The following AQP8 variants were observed in gnomAD, a reference collection of about 807,000 sequenced individuals.
The protein encoded by AQP8 is aquaporin-8.
In AQP8, 14 loss-of-function variants were observed where a neutral mutation model predicts 26.1. The ratio of observed to expected loss-of-function variants is 0.54; its 90% confidence interval spans 0.35 to 0.84. AQP8 has a LOEUF of 0.84. AQP8 is among the 40% of genes least tolerant of loss of function. AQP8 has a pLI of 0.01. For synonymous variants in AQP8, 131 were observed against 150.7 expected (o/e 0.87, Z 0.96); for missense variants, 301 against 340.5 (o/e 0.88, Z 0.91).
rs1476910859 is a variant in AQP8 at position 25,221,112 on chromosome 16, C to T, written c.261-345C>T. On this transcript the variant is annotated intron_variant, in intron 2 of 5. Transcript: ENST00000219660. ...CCGCTCTTGGGCTACTAACTTGGAGCCTTGGTATCTCAATCTGACCTGTGG... is the reference window on the plus strand; with the variant it reads ...CCGCTCTTGGGCTACTAACTTGGAGTCTTGGTATCTCAATCTGACCTGTGG... Among the ~76,000 whole-genome samples, 12 of 152,226 alleles carry T rather than the reference C, an allele frequency of 7.9e-5. No homozygotes were observed. In the East Asian group the frequency reaches 2.1e-3, roughly 27 times the overall value.
intron 2 of AQP8, 65 bp downstream of exon 2, chr16:25,217,510 C>A (rs976057220): frequency 6.3e-7 from 1 of 1,582,868 alleles, no homozygotes; most frequent in South Asian, 1.2e-5. Flanking sequence ...AAAGCAAAGG[C>A]GTTGTCAAGG....
rs1597631563 is a variant in AQP8 at position 25,227,184 on chromosome 16, T to C, written c.719T>C (p.Leu240Pro). 1 of 1,614,140 alleles carries C rather than the reference T, an allele frequency of 6.2e-7. No individual in the cohort carries two copies. The highest frequency in any genetic ancestry group is 8.5e-7 in the Non-Finnish European group (1 of 1,180,034). Residue 240 changes from leucine (L) to proline (P), a missense_variant, in exon 5 of 6, where the codon CTT becomes CCT. Physicochemically the swap from Leu to Pro is moderately conservative, Grantham distance 98 (BLOSUM62 -3). Coordinates refer to ENST00000219660, the MANE Select transcript of AQP8 (RefSeq NM_001169.3). ...YWLGPLLAGL[L>P]VGLLIRCFIG... ...CTGGGCCCACTCCTGGCTGGCCTGC[T>C]TGTTGGACTGCTCATTAGGTAGGAG...
At chr16:25,222,852 G>T (rs543743816) in intron 3 of AQP8, among the ~76,000 whole-genome samples, 1 of 152,132 alleles carries the variant, frequency 6.6e-6, no homozygotes, top group Non-Finnish European at 1.5e-5. Flanking sequence ...TATGGAACAC[G>T]CCCGGGACCT....
At chr16:25,221,942 A>G (rs1450290337) in intron 3 of AQP8, among the ~76,000 whole-genome samples, 6 of 151,348 alleles carry the variant, frequency 4.0e-5, no homozygotes, top group Admixed American at 2.6e-4. Context: ...TAATTTTTGT[A>G]TTTTTAGTAG....
At chr16:25,217,579 G>A in intron 2 of AQP8, 134 bp downstream of exon 2, 1 of 1,286,266 alleles carries the variant, frequency 7.8e-7, no homozygotes, top group Non-Finnish European at 1.1e-6. Context: ...CTATGGGGTT[G>A]GGAGTCAGAC....
chr16:25,218,079 G>T (rs1012011248), intron 2 of AQP8, among the ~76,000 whole-genome samples: 1 of 152,168 alleles, frequency 6.6e-6, no homozygotes, highest in African/African-American at 2.4e-5. Context: ...CCAGAAAGTG[G>T]CAGAGGCGGG....
At chr16:25,224,679 C>T in intron 4 of AQP8, 103 bp downstream of exon 4, 1 of 1,214,696 alleles carries the variant, frequency 8.2e-7, no homozygotes, top group Non-Finnish European at 1.1e-6. Flanking sequence ...TATTAGGGGC[C>T]AGGAAGGTGC....
In AQP8 at chr16:25,224,388, G is replaced by A; in HGVS notation, c.414G>A (p.Trp138Ter). 5 of 1,613,906 alleles carry A rather than the reference G, an allele frequency of 3.1e-6. No individual in the cohort carries two copies. The highest frequency in any genetic ancestry group is 4.2e-6 in the Non-Finnish European group (5 of 1,180,000). Residue 138 changes from tryptophan to a stop codon, truncating the protein, a stop_gained, in exon 4 of 6, where the codon TGG (tryptophan) becomes TGA (stop). Transcript: ENST00000219660. LOFTEE classifies it high-confidence loss of function. ...AKAVSPEERF[W>*]NASGAAFVTV... ...CGGTGAGTCCTGAGGAGAGGTTCTG[G>A]AATGCATCTGGGGCGGCCTTTGTGA...
chr16:25,217,843 A>C (rs559380002), intron 2 of AQP8, among the ~76,000 whole-genome samples: 21 of 151,992 alleles, frequency 1.4e-4, no homozygotes, highest in African/African-American at 5.1e-4. Flanking sequence ...GTTACTCTCT[A>C]AACCCAAAGT....
Position 25,224,579 on chromosome 16 carries a change from G to A in AQP8, c.602+3G>A, listed in dbSNP as rs572775362. 1.2e-6 allele frequency: 2 copies of A among 1,608,898 alleles called. No individual in the cohort carries two copies. The highest frequency in any genetic ancestry group is 8.5e-7 in the Non-Finnish European group (1 of 1,179,750). Reference sequence around the variant, plus strand: ...GTCACCGTGGATATCCTGGCTGGGTGAGTGTCCCTTGGCAGTGGGGTGACC... The same window carrying A: ...GTCACCGTGGATATCCTGGCTGGGTAAGTGTCCCTTGGCAGTGGGGTGACC... On this transcript the variant is annotated splice_donor_region_variant and intron_variant, in intron 4 of 5. Transcript: ENST00000219660.
chr16:25,228,591 C>A lies in AQP8; in HGVS notation c.*99C>A. The A allele has an allele frequency of 7.6e-7, 1 of 1,321,850 alleles. No homozygotes were observed. The highest frequency in any genetic ancestry group is 1.1e-6 in the Non-Finnish European group (1 of 926,916). The allele number at this position is 1,321,850 out of a possible 1,614,324, so 81.9% of individuals were successfully genotyped here. On this transcript the variant is annotated 3_prime_UTR_variant, in exon 6 of 6. Coordinates refer to ENST00000219660, the MANE Select transcript of AQP8 (RefSeq NM_001169.3). ...CCTGCATTTCCTGCCAGGGCAGAGG[C>A]CCAGAGGAGCGACCCCCTGCTTCCA...
At position 25,217,377 on chromosome 16, in the gene AQP8, G is replaced by A. The variant is rs146496870; in HGVS notation, c.192G>A (p.Gly64=). The change falls in exon 2 of 6, where the codon GGG becomes GGA. Residue 64 remains glycine, a synonymous_variant. Transcript: ENST00000219660. ...LSVIENGTDT[G]LLQPALAHGL... ...TCATTGAGAATGGGACGGACACTGG[G>A]CTGCTGCAGCCGGCCCTGGCCCACG... is the stretch of plus-strand genomic sequence containing the variant. The A allele has an allele frequency of 4.0e-4, 645 of 1,614,122 alleles. 9 individuals are homozygous for A. The South Asian group carries it at 4.6e-3, about 11-fold the overall frequency.
intron 3 of AQP8, among the ~76,000 whole-genome samples, chr16:25,222,678 TG>T (rs993454473): frequency 1.3e-5 from 2 of 150,060 alleles, no homozygotes; most frequent in African/African-American, 2.5e-5. Context: ...GGTGTGTGTG[TG>T]GGGGGTGGTG....
At chr16:25,225,473 T>C (rs926095452) in intron 4 of AQP8, among the ~76,000 whole-genome samples, 9 of 42,862 alleles carry the variant, frequency 2.1e-4, no homozygotes, top group Non-Finnish European at 3.1e-4. Flanking sequence ...TTACAAGCCC[T>C]TTTTTTTTTT....
intron 2 of AQP8, 103 bp from the exon 3 acceptor site, chr16:25,221,354 C>T: frequency 6.8e-7 from 1 of 1,463,642 alleles, no homozygotes; most frequent in Non-Finnish European, 9.4e-7. Flanking sequence ...TGACTCTTGC[C>T]CTGAGAGGCC....
rs529261390 is a variant in AQP8 at position 25,226,545 on chromosome 16, C to T, written c.603-523C>T. On this transcript the variant is annotated intron_variant, in intron 4 of 5. Coordinates refer to ENST00000219660, the MANE Select transcript of AQP8 (RefSeq NM_001169.3). Reference sequence around the variant, plus strand: ...CTGCTGGGATTTCAGGCATGAGCCTCTGTGTCTGGCTGAGGTTACATGAGA... The same window carrying T: ...CTGCTGGGATTTCAGGCATGAGCCTTTGTGTCTGGCTGAGGTTACATGAGA... Among the ~76,000 whole-genome samples the T allele has an allele frequency of 1.6e-4, 25 of 152,206 alleles. No individual in the cohort carries two copies. The South Asian group carries it at 5.2e-3, about 32-fold the overall frequency.
Position 25,227,884 on chromosome 16 carries a change from G to A in AQP8, c.738-560G>A, listed in dbSNP as rs529842256. ...CAAGTGATCTGCCTCCCAAAGCGCTGGGTTACAGGCGTGAGCCACTGCACC... is the reference window on the plus strand; with the variant it reads ...CAAGTGATCTGCCTCCCAAAGCGCTAGGTTACAGGCGTGAGCCACTGCACC... On this transcript the variant is annotated intron_variant, in intron 5 of 5. Transcript: ENST00000219660. Among the ~76,000 whole-genome samples, 4 of 151,748 alleles carry A rather than the reference G, an allele frequency of 2.6e-5. 1 individual carries two copies. The highest frequency in any genetic ancestry group is 4.2e-4 in the South Asian group (2 of 4,786).
chr16:25,224,118 C>T (rs889157544), intron 3 of AQP8, among the ~76,000 whole-genome samples: 8 of 152,212 alleles, frequency 5.3e-5, no homozygotes, highest in African/African-American at 9.6e-5. Context: ...TGAGCCACCA[C>T]GCCTAGCCCC....
chr16:25,217,314 G>A lies in AQP8; in HGVS notation c.129G>A (p.Leu43=). The A allele has an allele frequency of 1.2e-6, 2 of 1,614,174 alleles. No homozygotes were observed. The highest frequency in any genetic ancestry group is 1.7e-6 in the Non-Finnish European group (2 of 1,180,042). ...TGCAGCCATGTCTGGTCGAACTGCT[G>A]GGCTCTGCTCTCTTCATCTTCATCG... ...RFVQPCLVEL[L]GSALFIFIGC... Residue 43 remains leucine, a synonymous_variant, in exon 2 of 6, where the codon CTG becomes CTA. Coordinates refer to ENST00000219660, the MANE Select transcript of AQP8 (RefSeq NM_001169.3).
Sources: gnomAD v4.1 joint callset for allele counts (sites outside exome capture counted in the v4.1 genomes callset) on GRCh38, gnomAD v4.1.1 for gene constraint, MANE v1.5 for transcripts, NCBI Gene and HGNC (gene_info 2026-07-23, HGNC 2026-07-21) for gene names.